CSMD1: variants seen among roughly 807,000 people sequenced by gnomAD.
CSMD1 encodes the protein CUB and sushi domain-containing protein 1.
CSMD1 carries 213 observed loss-of-function variants against 417.5 expected under a neutral mutation model. That is an observed-to-expected ratio of 0.51 (90% CI 0.46 to 0.57). The LOEUF is 0.57. Ranked by LOEUF, CSMD1 falls within the 20% of genes least tolerant of loss-of-function variation. The pLI is 0.00. For missense variants in CSMD1, 6,923 were observed against 4,529.7 expected (o/e 1.53, Z -15.17); for synonymous variants, 2,862 against 1,736.8 (o/e 1.65, Z -16.11).
chr8:4,469,494 G>C (rs1018979215), intron 2 of CSMD1, among the ~76,000 whole-genome samples: 1 of 152,192 alleles, frequency 6.6e-6, no homozygotes, highest in Non-Finnish European at 1.5e-5. Flanking sequence ...CAGGTGAGTA[G>C]ATTTTACCTA....
At chr8:3,369,463 G>C (rs1358643945) in intron 18 of CSMD1, 93 bp from the exon 19 acceptor site, 12 of 656,942 alleles carry the variant, frequency 1.8e-5, no homozygotes, top group Non-Finnish European at 3.2e-5. Context: ...ATTTGCACAA[G>C]GATTAACAAA....
intron 3 of CSMD1, among the ~76,000 whole-genome samples, chr8:4,245,737 G>A (rs951378219): frequency 4.6e-5 from 7 of 151,906 alleles, no homozygotes; most frequent in African/African-American, 1.7e-4. Flanking sequence ...ACACTTCTTG[G>A]TGACTAAGTC....
At chr8:3,014,625 C>G (rs1443864884) in intron 52 of CSMD1, among the ~76,000 whole-genome samples, 1 of 152,126 alleles carries the variant, frequency 6.6e-6, no homozygotes, top group Non-Finnish European at 1.5e-5. Context: ...TTGGGGCGTG[C>G]CAGTTTCTGA....
rs556790525 is a variant in CSMD1 at position 2,954,443 on chromosome 8, T to C, written c.9995-175A>G. 1.4e-4 allele frequency among the ~76,000 whole-genome samples: 21 copies of C among 152,328 alleles called. 1 individual carries two copies. In the South Asian group the frequency reaches 3.5e-3, roughly 26 times the overall value. On this transcript the variant is annotated intron_variant, in intron 64 of 69. Coordinates refer to ENST00000635120, the MANE Select transcript of CSMD1 (RefSeq NM_033225.6). ...TGTCTTTACAGCAGAATATTCTTGG[T>C]GTTTGTGGGAAAGCGGAGTTTAAGG... is the stretch of plus-strand genomic sequence containing the variant.
At chr8:3,713,412 T>C (rs1195626304) in intron 6 of CSMD1, among the ~76,000 whole-genome samples, 1 of 152,164 alleles carries the variant, frequency 6.6e-6, no homozygotes, top group Admixed American at 6.5e-5. Flanking sequence ...TGATGCCACT[T>C]CTTTCTCTGC....
chr8:4,128,091 A>G (rs948009369), intron 3 of CSMD1, among the ~76,000 whole-genome samples: 1 of 152,186 alleles, frequency 6.6e-6, no homozygotes, highest in African/African-American at 2.4e-5. Flanking sequence ...GTTCCTCAAC[A>G]GTCTTCACAT....
intron 3 of CSMD1, among the ~76,000 whole-genome samples, chr8:4,046,061 G>A (rs1364112837): frequency 1.3e-5 from 2 of 151,942 alleles, no homozygotes; most frequent in African/African-American, 4.8e-5. Context: ...TTTAAAATCA[G>A]TTCTCCCAAT....
intron 7 of CSMD1, among the ~76,000 whole-genome samples, chr8:3,683,034 C>G (rs1383389516): frequency 6.6e-6 from 1 of 151,884 alleles, no homozygotes; most frequent in Non-Finnish European, 1.5e-5. Context: ...CATCACACAC[C>G]AGGGACTGTT....
intron 14 of CSMD1, among the ~76,000 whole-genome samples, chr8:3,407,353 GAT>G (rs1198924664): frequency 6.6e-6 from 1 of 151,784 alleles, no homozygotes; most frequent in Non-Finnish European, 1.5e-5. Context: ...TGAATGGATG[GAT>G]GGAAAGATGG....
At chr8:4,042,594 C>G (rs1047859647) in intron 3 of CSMD1, among the ~76,000 whole-genome samples, 2 of 151,774 alleles carry the variant, frequency 1.3e-5, no homozygotes, top group Non-Finnish European at 2.9e-5. Context: ...GAATTCCAAG[C>G]ACCAGGAATG....
At chr8:4,790,275 G>A (rs996760419) in intron 1 of CSMD1, among the ~76,000 whole-genome samples, 6 of 152,108 alleles carry the variant, frequency 3.9e-5, no homozygotes, top group African/African-American at 1.4e-4. Context: ...AGCTAACCAG[G>A]AAGGTGAAAT....
intron 21 of CSMD1, among the ~76,000 whole-genome samples, chr8:3,348,949 C>G (rs1018170144): frequency 1.3e-5 from 2 of 152,092 alleles, no homozygotes; most frequent in Non-Finnish European, 2.9e-5. Flanking sequence ...ACTCTAAGTC[C>G]AATACGATCA....
intron 3 of CSMD1, among the ~76,000 whole-genome samples, chr8:4,228,350 T>G (rs1801492662): frequency 6.6e-6 from 1 of 152,180 alleles, no homozygotes; most frequent in South Asian, 2.1e-4. Context: ...TCCCTCCCAT[T>G]TTCCTTTCCA....
At chr8:3,485,561 A>AGAGG (rs1817981702) in intron 11 of CSMD1, among the ~76,000 whole-genome samples, 2 of 147,226 alleles carry the variant, frequency 1.4e-5, no homozygotes, top group Admixed American at 7.2e-5. Context: ...AGAGAGAGAG[A>AGAGG]GAGGGAGAGA....
chr8:4,457,521 G>T (rs901575494), intron 2 of CSMD1, among the ~76,000 whole-genome samples: 1 of 152,056 alleles, frequency 6.6e-6, no homozygotes, highest in East Asian at 1.9e-4. Context: ...ACATACCCAT[G>T]TAATTAAGAA....
intron 23 of CSMD1, among the ~76,000 whole-genome samples, chr8:3,340,171 C>G (rs768707308): frequency 1.3e-5 from 2 of 152,052 alleles, no homozygotes; most frequent in Non-Finnish European, 2.9e-5. Flanking sequence ...GTTAGAAGGC[C>G]TGGATTTGGG....
chr8:2,963,398 A>AT lies in CSMD1; in HGVS notation c.9281-4dup, dbSNP rs1486429278. Reference sequence around the variant, plus strand: ...CGGCGGCTGAGGACACAGCACGGCTATTTCCAAAGAACAAACAAGATCAAC... The same window carrying AT: ...CGGCGGCTGAGGACACAGCACGGCTATTTTCCAAAGAACAAACAAGATCAAC... On this transcript the variant is annotated splice_region_variant and splice_polypyrimidine_tract_variant and intron_variant, in intron 59 of 69. Coordinates refer to ENST00000635120, the MANE Select transcript of CSMD1 (RefSeq NM_033225.6). 6.8e-6 allele frequency: 11 copies of AT among 1,613,110 alleles called. No individual in the cohort carries two copies. The highest frequency in any genetic ancestry group is 8.5e-6 in the Non-Finnish European group (10 of 1,179,228).
intron 1 of CSMD1, among the ~76,000 whole-genome samples, chr8:4,908,692 G>A (rs888878087): frequency 4.0e-5 from 6 of 149,910 alleles, no homozygotes; most frequent in East Asian, 2.0e-4. Flanking sequence ...CTAGCAATGA[G>A]TCCATCAGAG....
intron 23 of CSMD1, among the ~76,000 whole-genome samples, chr8:3,317,211 T>G (rs774998925): frequency 4.6e-5 from 7 of 152,180 alleles, no homozygotes; most frequent in Non-Finnish European, 1.0e-4. Flanking sequence ...TCCCCTGTAT[T>G]AACCCAGAAA....
Sources: allele counts gnomAD v4.1 joint callset (sites outside exome capture counted in the v4.1 genomes callset), GRCh38; gene constraint gnomAD v4.1.1; transcripts MANE v1.5; gene names NCBI Gene and HGNC (gene_info 2026-07-23, HGNC 2026-07-21).